Variants in APOB observed in about 807,000 individuals in gnomAD.
The protein encoded by APOB is apolipoprotein B, also known as apolipoprotein B-100.
APOB carries 153 observed loss-of-function variants against 314.1 expected under a neutral mutation model. That is an observed-to-expected ratio of 0.49 (90% CI 0.43 to 0.56). APOB has a LOEUF of 0.56. APOB is among the 20% of genes least tolerant of loss of function. The pLI, the probability that APOB is intolerant of heterozygous loss-of-function variation, is 0.00. For synonymous variants in APOB, 2,087 were observed against 2,036.4 expected, an observed-to-expected ratio of 1.02 and a Z score of -0.67; for missense variants, 5,430 against 5,350.7, an observed-to-expected ratio of 1.01 and a Z score of -0.46.
chr2:21,044,067 T>A lies in APOB; in HGVS notation c.-122A>T. 2.5e-6 allele frequency: 1 copy of A among 403,992 alleles called. No individual in the cohort carries two copies. Among genetic ancestry groups the A allele is most frequent in the Non-Finnish European group, 4.0e-6 (1 of 248,682 alleles). 25.0% of individuals were successfully genotyped at this position (403,992 alleles called of 1,614,324 possible). A position where few individuals can be genotyped will look rare whatever the true frequency, so the allele number is the denominator to read the frequency against. On this transcript the variant is annotated 5_prime_UTR_variant, in exon 1 of 29. Transcript: ENST00000233242. ...GGGCACTCAGCCCCGCAGGTCCCGGTGGGAATGCGCGGCCGGCGCCCGCAC... is the reference window on the plus strand; with the variant it reads ...GGGCACTCAGCCCCGCAGGTCCCGGAGGGAATGCGCGGCCGGCGCCCGCAC...
chr2:21,026,055 A>G (rs984443752), intron 15 of APOB, among the ~76,000 whole-genome samples: 6 of 152,182 alleles, frequency 3.9e-5, no homozygotes, highest in Admixed American at 6.5e-5. Flanking sequence ...TGAACAACCA[A>G]TGCCAGCATC....
In APOB at chr2:21,003,157, G is replaced by C; in HGVS notation, c.12265C>G (p.His4089Asp). 4 of 1,613,848 alleles carry C rather than the reference G, an allele frequency of 2.5e-6. No homozygotes were observed. Among genetic ancestry groups the C allele is most frequent in the Non-Finnish European group, 3.4e-6 (4 of 1,179,852 alleles). ...AGGGTGAGCCCTGTGTGTTCCCAGT[G>C]GTACTTGTTGACATAATCATAAAGG... ...GVLYDYVNKY[H>D]WEHTGLTLRE... Residue 4089 changes from histidine (H) to aspartate (D), a missense_variant, in exon 29 of 29, where the codon CAC becomes GAC. Physicochemically the swap from His to Asp is moderately conservative, Grantham distance 81 (BLOSUM62 -1). Coordinates refer to ENST00000233242, the MANE Select transcript of APOB (RefSeq NM_000384.3).
chr2:21,028,720 G>T (rs565339723), intron 12 of APOB, among the ~76,000 whole-genome samples, 182 bp from the exon 13 acceptor site: 2 of 152,226 alleles, frequency 1.3e-5, no homozygotes, highest in South Asian at 2.1e-4. Flanking sequence ...ATCAAGTAAG[G>T]GTTCCCAGAA....
At chr2:21,013,078 T>C in intron 25 of APOB, 82 bp downstream of exon 25, 1 of 1,572,980 alleles carries the variant, frequency 6.4e-7, no homozygotes, top group Non-Finnish European at 8.7e-7. Flanking sequence ...AAAGCCAAAG[T>C]CCTTTCCTCC....
intron 1 of APOB, 87 bp from the exon 2 acceptor site, chr2:21,043,638 T>G: frequency 6.5e-7 from 1 of 1,542,158 alleles, no homozygotes; most frequent in Non-Finnish European, 8.8e-7. Context: ...CGGCACAGGT[T>G]TCACCTTTCA....
chr2:21,013,785 C>T (rs1249992429), intron 24 of APOB, among the ~76,000 whole-genome samples: 1 of 152,230 alleles, frequency 6.6e-6, no homozygotes, highest in Non-Finnish European at 1.5e-5. Context: ...CAATTTGTCT[C>T]ATTCTTACAG....
At position 21,008,233 on chromosome 2, in the gene APOB, T is replaced by G; in HGVS notation, c.8635A>C (p.Asn2879His). The G allele has an allele frequency of 1.2e-6, 2 of 1,614,116 alleles. No individual in the cohort carries two copies. The highest frequency in any genetic ancestry group is 1.7e-6 in the Non-Finnish European group (2 of 1,179,978). ...GTGTTGCTATCCAGGGTAAGCTGAT[T>G]GTTTATCTTGACAATCACTCCATTA... The part of the protein sequence containing the change: ...LSNGVIVKIN[N>H]QLTLDSNTKY... The change falls in exon 26 of 29, where the codon AAT becomes CAT. Residue 2879 changes from asparagine (N) to histidine (H), a missense_variant. Asn to His is a moderately conservative substitution (Grantham distance 68). Coordinates refer to ENST00000233242, the MANE Select transcript of APOB (RefSeq NM_000384.3).
rs757570860 is a variant in APOB, at chr2:21,009,398, G to A, written c.7470C>T (p.Thr2490=). Residue 2490 remains threonine (T), a synonymous_variant, in exon 26 of 29, where the codon ACC becomes ACT. Coordinates refer to ENST00000233242, the MANE Select transcript of APOB (RefSeq NM_000384.3). The part of the protein sequence containing the change: ...YLESLQDTKI[T]LIINWLQEAL... ...CCTCCTGTAACCAATTGATGATTAAGGTTATTTTGGTGTCCTGTAGGCTTT... is the reference window on the plus strand; with the variant it reads ...CCTCCTGTAACCAATTGATGATTAAAGTTATTTTGGTGTCCTGTAGGCTTT... The A allele has an allele frequency of 6.2e-7, 1 of 1,614,046 alleles. No homozygotes were observed. Among genetic ancestry groups the A allele is most frequent in the Non-Finnish European group, 8.5e-7 (1 of 1,179,960 alleles).
rs1210751891 is a variant in APOB at position 21,006,490 on chromosome 2, A to G, written c.10378T>C (p.Phe3460Leu). ...ATTGAAGAATTGAAATCATACTTAAATTCCATGGAGGAAGAGACAGTAGGT... is the reference window on the plus strand; with the variant it reads ...ATTGAAGAATTGAAATCATACTTAAGTTCCATGGAGGAAGAGACAGTAGGT... ...SKPTVSSSME[F>L]KYDFNSSMLY... Residue 3460 changes from phenylalanine (F) to leucine (L), a missense_variant, in exon 26 of 29, where the codon TTT becomes CTT. By Grantham distance (22) the Phe-to-Leu change is conservative. Transcript: ENST00000233242. 1 of 1,614,112 alleles carries G rather than the reference A, an allele frequency of 6.2e-7. No homozygotes were observed. Among genetic ancestry groups the G allele is most frequent in the Non-Finnish European group, 8.5e-7 (1 of 1,179,962 alleles).
chr2:21,030,021 G>A lies in APOB; in HGVS notation c.1353-6C>T. ...TAGGGTTTGTCTTATGATAGCTACA[G>A]AATAAGAGAAGAGAGTCAGGACTTG... On this transcript the variant is annotated splice_polypyrimidine_tract_variant and splice_region_variant and intron_variant, in intron 10 of 28. Coordinates refer to ENST00000233242, the MANE Select transcript of APOB (RefSeq NM_000384.3). 1.3e-6 allele frequency: 2 copies of A among 1,560,446 alleles called. No individual in the cohort carries two copies. The highest frequency in any genetic ancestry group is 1.8e-6 in the Non-Finnish European group (2 of 1,131,092).
chr2:21,033,259 C>T (rs747037983), intron 9 of APOB, 40 bp downstream of exon 9: 1 of 1,523,236 alleles, frequency 6.6e-7, no homozygotes, highest in Non-Finnish European at 9.1e-7. Flanking sequence ...AGTCAGTTAC[C>T]ATCAGTTTTA....
In APOB at chr2:21,005,733, T is replaced by C. The variant is rs1157743211; in HGVS notation, c.11135A>G (p.Lys3712Arg). The change falls in exon 26 of 29, where the codon AAA becomes AGA. Residue 3712 changes from lysine (K) to arginine (R), a missense_variant. Lys to Arg is a conservative substitution (Grantham distance 26, BLOSUM62 2). Coordinates refer to ENST00000233242, the MANE Select transcript of APOB (RefSeq NM_000384.3). ...GGAGAATGAATAGCCATTGGGGTTTTTGGTGTACACAAAGGCAGTTGAAAC... is the reference window on the plus strand; with the variant it reads ...GGAGAATGAATAGCCATTGGGGTTTCTGGTGTACACAAAGGCAGTTGAAAC... ...LRVSTAFVYT[K>R]NPNGYSFSIP... is the part of the protein sequence containing the mutation. 5.0e-6 allele frequency: 8 copies of C among 1,613,878 alleles called. No homozygotes were observed. Among genetic ancestry groups the C allele is most frequent in the Non-Finnish European group, 6.8e-6 (8 of 1,179,972 alleles).
intron 18 of APOB, among the ~76,000 whole-genome samples, chr2:21,021,918 A>G (rs989655761): frequency 1.3e-5 from 2 of 152,144 alleles, no homozygotes; most frequent in Non-Finnish European, 2.9e-5. Flanking sequence ...TGTGTGTCTC[A>G]CTCAACATAC....
At chr2:21,043,732 G>A (rs1664194750) in intron 1 of APOB, 132 bp downstream of exon 1, 10 of 1,512,222 alleles carry the variant, frequency 6.6e-6, no homozygotes, top group Non-Finnish European at 8.9e-6. Flanking sequence ...CCGCCAGCTG[G>A]TCCAATCCCC....
chr2:21,032,310 T>C, intron 10 of APOB, 44 bp downstream of exon 10: 1 of 1,544,928 alleles, frequency 6.5e-7, no homozygotes, highest in Non-Finnish European at 8.9e-7. Context: ...AGGTGCAAGA[T>C]GTTCCTCTGC....
At chr2:21,017,396 G>C (rs1265329429) in intron 20 of APOB, among the ~76,000 whole-genome samples, 1 of 152,120 alleles carries the variant, frequency 6.6e-6, no homozygotes, top group African/African-American at 2.4e-5. Flanking sequence ...CTGGATACAA[G>C]GATAAAAGAA....
chr2:21,016,983 C>CAA (rs376000502), intron 20 of APOB, among the ~76,000 whole-genome samples: 1,113 of 104,408 alleles, frequency 0.011, 25 homozygotes, highest in African/African-American at 0.044. Context: ...GACTCCATCT[C>CAA]AAAAAATAAA....
rs1266180253 is a variant in APOB at position 21,044,041 on chromosome 2, A to T, written c.-96T>A. The T allele has an allele frequency of 1.9e-5, 10 of 525,808 alleles. No homozygotes were observed. The highest frequency in any genetic ancestry group is 5.6e-6 in the Non-Finnish European group (2 of 355,520). 32.6% of individuals were successfully genotyped at this position (525,808 alleles called of 1,614,324 possible). A position where few individuals can be genotyped will look rare whatever the true frequency, so the allele number is the denominator to read the frequency against. ...GGCTCCTCAGCGGCAGCAACCGAGAAGGGCACTCAGCCCCGCAGGTCCCGG... is the reference window on the plus strand; with the variant it reads ...GGCTCCTCAGCGGCAGCAACCGAGATGGGCACTCAGCCCCGCAGGTCCCGG... On this transcript the variant is annotated 5_prime_UTR_variant, in exon 1 of 29. Transcript: ENST00000233242.
chr2:21,007,175 A>C lies in APOB; in HGVS notation c.9693T>G (p.Asp3231Glu). Residue 3231 changes from aspartate to glutamate, a missense_variant, in exon 26 of 29, where the codon GAT (aspartate) becomes GAG (glutamate). By Grantham distance (45) the Asp-to-Glu change is conservative. Transcript: ENST00000233242. Reference protein sequence around the residue: ...KSYNETKIKFDKYKAEKSHDE... With the variant: ...KSYNETKIKFEKYKAEKSHDE... ...CGTGAGATTTTTCAGCTTTGTACTTATCAAACTTAATTTTTGTTTCATTAT... is the reference window on the plus strand; with the variant it reads ...CGTGAGATTTTTCAGCTTTGTACTTCTCAAACTTAATTTTTGTTTCATTAT... The C allele has an allele frequency of 6.2e-7, 1 of 1,613,934 alleles. No homozygotes were observed.
Sources: gnomAD v4.1 joint callset for allele counts (sites outside exome capture counted in the v4.1 genomes callset) on GRCh38, gnomAD v4.1.1 for gene constraint, MANE v1.5 for transcripts, NCBI Gene and HGNC (gene_info 2026-07-23, HGNC 2026-07-21) for gene names.